DCBLD2: variants seen among roughly 807,000 people sequenced by gnomAD.
DCBLD2 encodes discoidin, CUB and LCCL domain containing 2.
Under a neutral mutation model 86.8 loss-of-function variants are expected in DCBLD2, and 54 were observed. The observed-to-expected ratio is 0.62, with a 90% CI of 0.50 to 0.78. The LOEUF (loss-of-function observed/expected upper bound fraction) is 0.78, where lower values mean the gene tolerates loss of function less well. DCBLD2 is among the 30% of genes least tolerant of loss of function. The probability of loss-of-function intolerance (pLI) is 0.00; values close to 1 mark genes in which losing one functional copy is unlikely to be tolerated. For synonymous variants in DCBLD2, 354 were observed against 341.3 expected, an observed-to-expected ratio of 1.04 and a Z score of -0.41; for missense variants, 908 against 954.2, an observed-to-expected ratio of 0.95 and a Z score of 0.64.
chr3:98,882,426 T>C (rs71311402), intron 1 of DCBLD2, among the ~76,000 whole-genome samples: 10,152 of 152,224 alleles, frequency 0.067, 414 homozygotes, highest in African/African-American at 0.088. Context: ...GCTCTTTTTT[T>C]TTTAACTTTT....
intron 13 of DCBLD2, among the ~76,000 whole-genome samples, chr3:98,803,906 C>T (rs1941778737): frequency 1.3e-5 from 2 of 152,212 alleles, no homozygotes; most frequent in South Asian, 2.1e-4. Context: ...CACTTGATCA[C>T]AGTGGATAAG....
In DCBLD2 at chr3:98,835,101, T is replaced by TA. The variant is rs577245928; in HGVS notation, c.572-9736dup. Among the ~76,000 whole-genome samples, 229 of 134,598 alleles carry TA rather than the reference T, an allele frequency of 1.7e-3. No homozygotes were observed. The Middle Eastern group carries it at 0.021, about 12-fold the overall frequency. The allele number at this position is 134,598 out of a possible 152,430, so 88.3% of individuals were successfully genotyped here. A position where few individuals can be genotyped will look rare whatever the true frequency, so the allele number is the denominator to read the frequency against. ...GATTCTCCTGCCTCAGCCTCCCAGG[T>TA]AGCTGGGATTACAGGCATGTGCCAC... On this transcript the variant is annotated intron_variant, in intron 3 of 15. Coordinates refer to ENST00000326840, the MANE Select transcript of DCBLD2 (RefSeq NM_080927.4).
At chr3:98,844,520 C>G (rs1488581056) in intron 3 of DCBLD2, among the ~76,000 whole-genome samples, 1 of 151,944 alleles carries the variant, frequency 6.6e-6, no homozygotes, top group Non-Finnish European at 1.5e-5. Context: ...CACCACCACG[C>G]CCGGCTAATT....
At chr3:98,853,674 G>A (rs1054600978) in intron 2 of DCBLD2, among the ~76,000 whole-genome samples, 12 of 152,184 alleles carry the variant, frequency 7.9e-5, no homozygotes, top group African/African-American at 2.7e-4. Context: ...GGTGTTAAAT[G>A]GAAACATTCT....
chr3:98,867,186 G>A (rs1943164112), intron 2 of DCBLD2, among the ~76,000 whole-genome samples: 2 of 152,190 alleles, frequency 1.3e-5, no homozygotes, highest in African/African-American at 4.8e-5. Context: ...ACTTGGCAAT[G>A]CCAGCTCTTT....
At chr3:98,825,643 T>TTATTTATATATATATATATATA (rs1553725523) in intron 3 of DCBLD2, among the ~76,000 whole-genome samples, 1 of 115,100 alleles carries the variant, frequency 8.7e-6, no homozygotes, top group Non-Finnish European at 1.8e-5. Context: ...ATATGTGTAT[T>TTATTTATATATATATATATATA]TATATATATA....
At chr3:98,852,130 C>T (rs1942851038) in intron 2 of DCBLD2, among the ~76,000 whole-genome samples, 1 of 152,206 alleles carries the variant, frequency 6.6e-6, no homozygotes, top group African/African-American at 2.4e-5. Context: ...CCCTTCTCCC[C>T]AGCAGTATTG....
At position 98,873,016 on chromosome 3, in the gene DCBLD2, C is replaced by T. The variant is rs566457655; in HGVS notation, c.433+8524G>A. The stretch of plus-strand genomic sequence containing the variant: ...AAGGCTAAAAATAAAGTGATGGGCA[C>T]AGACAGACACAGCAGGATAATGAAA... On this transcript the variant is annotated intron_variant, in intron 2 of 15. Transcript: ENST00000326840. Among the ~76,000 whole-genome samples the T allele has an allele frequency of 5.9e-5, 9 of 152,092 alleles. No homozygotes were observed. In the East Asian group the frequency reaches 1.7e-3, roughly 29 times the overall value.
chr3:98,893,250 A>G lies in DCBLD2; in HGVS notation c.205+7872T>C, dbSNP rs552215581. ...TCAATCCCAGCCCTCGTTACAGTCT[A>G]AAAAGAAAGATGAGTTACATATTTT... On this transcript the variant is annotated intron_variant, in intron 1 of 15. Coordinates refer to ENST00000326840, the MANE Select transcript of DCBLD2 (RefSeq NM_080927.4). 2.6e-5 allele frequency among the ~76,000 whole-genome samples: 4 copies of G among 152,244 alleles called. No individual in the cohort carries two copies. In the East Asian group the frequency reaches 7.7e-4, roughly 29 times the overall value.
chr3:98,891,895 T>C (rs1227991982), intron 1 of DCBLD2, among the ~76,000 whole-genome samples: 1 of 151,294 alleles, frequency 6.6e-6, no homozygotes, highest in African/African-American at 2.4e-5. Context: ...CATAATAATA[T>C]CTTTCTGTAC....
chr3:98,844,577 T>C (rs1394052104), intron 3 of DCBLD2, among the ~76,000 whole-genome samples: 1 of 152,044 alleles, frequency 6.6e-6, no homozygotes, highest in Non-Finnish European at 1.5e-5. Flanking sequence ...TGGCCAGGCT[T>C]GTCTCGAACT....
chr3:98,809,692 C>T (rs1227706310), intron 12 of DCBLD2, among the ~76,000 whole-genome samples: 1 of 152,206 alleles, frequency 6.6e-6, no homozygotes. Context: ...AGAAGAGCTA[C>T]TGCAGCCTTT....
intron 9 of DCBLD2, chr3:98,814,412 A>G (rs1941987952): frequency 6.6e-6 from 1 of 152,212 alleles, no homozygotes; most frequent in Non-Finnish European, 1.5e-5. Flanking sequence ...AAAACTGAGT[A>G]AAAAAGATTT....
At chr3:98,840,394 A>C (rs1033385049) in intron 3 of DCBLD2, among the ~76,000 whole-genome samples, 5 of 152,242 alleles carry the variant, frequency 3.3e-5, no homozygotes, top group Non-Finnish European at 7.3e-5. Flanking sequence ...TTACATGTGA[A>C]GTGCTTAGAT....
chr3:98,871,069 T>G (rs896991517), intron 2 of DCBLD2, among the ~76,000 whole-genome samples: 16 of 151,826 alleles, frequency 1.1e-4, no homozygotes, highest in Admixed American at 9.9e-4. Flanking sequence ...TGGGACTGAG[T>G]TCTTGATTTG....
chr3:98,848,530 T>G (rs542383799), intron 3 of DCBLD2, among the ~76,000 whole-genome samples: 2 of 152,348 alleles, frequency 1.3e-5, no homozygotes, highest in African/African-American at 4.8e-5. Flanking sequence ...TCTTTAGGTC[T>G]TTGAGGAATT....
chr3:98,799,027 G>A lies in DCBLD2; in HGVS notation c.*345C>T, dbSNP rs760942971. On this transcript the variant is annotated 3_prime_UTR_variant, in exon 16 of 16. Transcript: ENST00000326840. ...CGTTATTGCCAGTCAGGCTTACAGA[G>A]CCATCTCGAGTTCATTAATGTACCT... 19 of 199,668 alleles carry A rather than the reference G, an allele frequency of 9.5e-5. No homozygotes were observed. Among genetic ancestry groups the A allele is most frequent in the Non-Finnish European group, 1.9e-4 (19 of 97,532 alleles). The allele number at this position is 199,668 out of a possible 1,614,324, so 12.4% of individuals were successfully genotyped here. A position where few individuals can be genotyped will look rare whatever the true frequency, so the allele number is the denominator to read the frequency against.
chr3:98,856,995 C>T (rs529824406), intron 2 of DCBLD2, among the ~76,000 whole-genome samples: 5 of 152,154 alleles, frequency 3.3e-5, no homozygotes, highest in Non-Finnish European at 7.3e-5. Flanking sequence ...ACTTCAAGAA[C>T]GAAGCCGCAG....
intron 3 of DCBLD2, among the ~76,000 whole-genome samples, chr3:98,832,657 G>A (rs1232255993): frequency 6.6e-6 from 1 of 152,146 alleles, no homozygotes; most frequent in African/African-American, 2.4e-5. Flanking sequence ...CTTAGCATTT[G>A]CTTATCTGAC....
Sources: gnomAD v4.1 joint callset for allele counts (sites outside exome capture counted in the v4.1 genomes callset) on GRCh38, gnomAD v4.1.1 for gene constraint, MANE v1.5 for transcripts, NCBI Gene and HGNC (gene_info 2026-07-23, HGNC 2026-07-21) for gene names.